The following BTBD9 variants were observed in gnomAD, a reference collection of about 807,000 sequenced individuals.
BTBD9 encodes BTB/POZ domain-containing protein 9.
A neutral mutation model predicts 64.3 loss-of-function variants in BTBD9; 49 were observed. That is an observed-to-expected ratio of 0.76 (90% confidence interval 0.61 to 0.97). BTBD9 has a LOEUF of 0.97. Ranked by LOEUF, BTBD9 falls within the 50% of genes least tolerant of loss-of-function variation. BTBD9 has a pLI of 0.00. For synonymous variants in BTBD9, 260 were observed against 274.7 expected (o/e 0.95, Z 0.53); for missense variants, 598 against 762.1 (o/e 0.78, Z 2.53).
In BTBD9 at chr6:38,498,786, C is replaced by A. The variant is rs9349088; in HGVS notation, c.1154+78814G>T. ...TGTGTACCCTCTACTTTGGTAACCC[C>A]CCACGCCCCACCCCAGTTGATACTG... On this transcript the variant is annotated intron_variant, in intron 6 of 10. Coordinates refer to ENST00000481247, the MANE Select transcript of BTBD9 (RefSeq NM_001099272.2). 1.2e-4 allele frequency among the ~76,000 whole-genome samples: 18 copies of A among 152,158 alleles called. 1 individual carries two copies. Among genetic ancestry groups the A allele is most frequent in the South Asian group, 1.0e-3 (5 of 4,820 alleles).
At chr6:38,250,578 G>T (rs1245299981) in intron 9 of BTBD9, among the ~76,000 whole-genome samples, 1 of 151,872 alleles carries the variant, frequency 6.6e-6, no homozygotes. Flanking sequence ...TCCCTTTTCA[G>T]GATCAATTTA....
intron 10 of BTBD9, among the ~76,000 whole-genome samples, chr6:38,192,132 G>GTGA (rs2127485154): frequency 6.6e-6 from 1 of 152,330 alleles, no homozygotes; most frequent in African/African-American, 2.4e-5. Context: ...CAGCAGGGGA[G>GTGA]TGATAAGTCT....
At chr6:38,478,181 T>G (rs1372474770) in intron 6 of BTBD9, among the ~76,000 whole-genome samples, 3 of 152,148 alleles carry the variant, frequency 2.0e-5, no homozygotes, top group Non-Finnish European at 2.9e-5. Flanking sequence ...TTTAAAAATT[T>G]TACCACCAGT....
At chr6:38,225,976 A>G (rs536359974) in intron 9 of BTBD9, among the ~76,000 whole-genome samples, 1 of 152,376 alleles carries the variant, frequency 6.6e-6, no homozygotes, top group African/African-American at 2.4e-5. Context: ...CTTAACTATG[A>G]GGCCAAAGGC....
chr6:38,289,100 C>T (rs1037428055), intron 7 of BTBD9, among the ~76,000 whole-genome samples: 7 of 149,074 alleles, frequency 4.7e-5, no homozygotes, highest in Admixed American at 2.0e-4. Context: ...CAGCCAGGCA[C>T]GGTGGCTCAC....
intron 6 of BTBD9, among the ~76,000 whole-genome samples, chr6:38,354,818 A>G (rs975154811): frequency 7.2e-5 from 11 of 152,200 alleles, no homozygotes; most frequent in African/African-American, 2.7e-4. Context: ...CAGAATAGTC[A>G]AAGTAAATAA....
chr6:38,322,737 T>C (rs1763284351), intron 7 of BTBD9, among the ~76,000 whole-genome samples: 1 of 152,222 alleles, frequency 6.6e-6, no homozygotes, highest in Admixed American at 6.5e-5. Flanking sequence ...TTGTTTATTA[T>C]ACAAAATGTC....
intron 9 of BTBD9, among the ~76,000 whole-genome samples, chr6:38,224,093 G>A (rs746196947): frequency 2.6e-5 from 4 of 152,074 alleles, no homozygotes; most frequent in Non-Finnish European, 4.4e-5. Flanking sequence ...AGCACCTGTA[G>A]TCCCAGCTAC....
At chr6:38,586,694 C>G (rs1206486555) in intron 4 of BTBD9, among the ~76,000 whole-genome samples, 1 of 152,208 alleles carries the variant, frequency 6.6e-6, no homozygotes, top group African/African-American at 2.4e-5. Flanking sequence ...AGGAACACTT[C>G]TGAAATTTTA....
Position 38,345,043 on chromosome 6 carries a change from A to C in BTBD9, c.1205T>G (p.Ile402Ser), listed in dbSNP as rs769528987. ...TGTAAACATACATTCAAAAGCCACA[A>C]TGTGAAAAATCTTGTTCACTGTGTT... The part of the protein sequence containing the change: ...THNTVNKIFH[I>S]VAFECMFTNK... Residue 402 changes from isoleucine to serine, a missense_variant, in exon 7 of 11, where the codon ATT (isoleucine) becomes AGT (serine). Coordinates refer to ENST00000481247, the MANE Select transcript of BTBD9 (RefSeq NM_001099272.2). The C allele has an allele frequency of 1.7e-5, 27 of 1,609,754 alleles. No homozygotes were observed. Among genetic ancestry groups the C allele is most frequent in the Non-Finnish European group, 1.7e-5 (20 of 1,177,146 alleles).
chr6:38,309,519 TCTC>T lies in BTBD9; in HGVS notation c.1265-21061_1265-21059del, dbSNP rs969771667. On this transcript the variant is annotated intron_variant, in intron 7 of 10. Transcript: ENST00000481247. Reference sequence around the variant, plus strand: ...CCTCCAACTCCCTGGTTCAAGCGATTCTCCTGCCTCAGCCTCCCGAGTAGCTGG... The same window carrying T: ...CCTCCAACTCCCTGGTTCAAGCGATTCTGCCTCAGCCTCCCGAGTAGCTGG... 9.1e-4 allele frequency among the ~76,000 whole-genome samples: 138 copies of T among 151,660 alleles called. 1 individual carries two copies. Among genetic ancestry groups the T allele is most frequent in the African/African-American group, 3.3e-3 (136 of 41,422 alleles).
chr6:38,209,283 A>T (rs1353506327), intron 9 of BTBD9, among the ~76,000 whole-genome samples: 1 of 152,144 alleles, frequency 6.6e-6, no homozygotes, highest in African/African-American at 2.4e-5. Flanking sequence ...TCGGTGTTAA[A>T]ATGGACTCTT....
intron 6 of BTBD9, among the ~76,000 whole-genome samples, chr6:38,572,685 T>C (rs1775826563): frequency 1.3e-5 from 2 of 152,012 alleles, no homozygotes; most frequent in African/African-American, 4.8e-5. Context: ...AATAAATGAC[T>C]TTAATCAACT....
chr6:38,475,682 G>A (rs1770847344), intron 6 of BTBD9, among the ~76,000 whole-genome samples: 2 of 152,144 alleles, frequency 1.3e-5, no homozygotes, highest in Admixed American at 1.3e-4. Flanking sequence ...TCCAATATAA[G>A]GGCCACAATT....
intron 6 of BTBD9, among the ~76,000 whole-genome samples, chr6:38,390,435 A>G (rs1226558542): frequency 6.6e-6 from 1 of 152,146 alleles, no homozygotes; most frequent in Non-Finnish European, 1.5e-5. Context: ...AAGTTGTGAG[A>G]CCCCTGGCAT....
intron 6 of BTBD9, among the ~76,000 whole-genome samples, chr6:38,521,026 T>C (rs1294718046): frequency 2.6e-5 from 4 of 152,094 alleles, no homozygotes; most frequent in Admixed American, 6.5e-5. Context: ...AATATTCATA[T>C]GTGTCTTAAA....
Position 38,592,809 on chromosome 6 carries a change from G to A in BTBD9, c.581C>T (p.Ser194Leu). ...TALLNIVLRDSFAAPEKDIFL... is the reference protein window; with the variant it reads ...TALLNIVLRDLFAAPEKDIFL... ...AATATCTTTTTCGGGAGCTGCAAAT[G>A]AGTCTCTTAACACGATGTTTAAAAG... The change falls in exon 4 of 11, where the codon TCA becomes TTA. Residue 194 changes from serine to leucine, a missense_variant. Ser to Leu is a moderately radical substitution (Grantham distance 145). Transcript: ENST00000481247. 6.2e-7 allele frequency: 1 copy of A among 1,614,170 alleles called. No homozygotes were observed. The highest frequency in any genetic ancestry group is 1.3e-5 in the African/African-American group (1 of 75,050).
intron 9 of BTBD9, among the ~76,000 whole-genome samples, chr6:38,224,290 T>A (rs1180523883): frequency 6.6e-6 from 1 of 152,244 alleles, no homozygotes; most frequent in East Asian, 1.9e-4. Context: ...GACCTCTTTT[T>A]CTATGTTTTC....
chr6:38,223,439 A>G (rs1228916019), intron 9 of BTBD9, among the ~76,000 whole-genome samples: 1 of 152,098 alleles, frequency 6.6e-6, no homozygotes, highest in Non-Finnish European at 1.5e-5. Context: ...GGCTCAAGCA[A>G]TCCTCCCACC....
Sources: gnomAD v4.1 joint callset for allele counts (sites outside exome capture counted in the v4.1 genomes callset) on GRCh38, gnomAD v4.1.1 for gene constraint, MANE v1.5 for transcripts, NCBI Gene and HGNC (gene_info 2026-07-23, HGNC 2026-07-21) for gene names.